STK17A: variants seen among roughly 807,000 people sequenced by gnomAD.
STK17A encodes the protein serine/threonine-protein kinase 17A.
In STK17A, 26 loss-of-function variants were observed where a neutral mutation model predicts 43.7. That is an observed-to-expected ratio of 0.60 (90% confidence interval 0.44 to 0.83). STK17A has a LOEUF of 0.83. Ranked by LOEUF, STK17A falls within the 40% of genes least tolerant of loss-of-function variation. The pLI, the probability that STK17A is intolerant of heterozygous loss-of-function variation, is 0.00. For missense variants in STK17A, 476 were observed against 511.6 expected, an observed-to-expected ratio of 0.93 and a Z score of 0.67; for synonymous variants, 191 against 182.5, an observed-to-expected ratio of 1.05 and a Z score of -0.38.
chr7:43,623,420 TATTA>T lies in STK17A; in HGVS notation c.692-148_692-145del, dbSNP rs1205387681. ...ATTACAAACATCTAGTTAGGCTTTA[TATTA>T]ATTCATATTAATTTATGGTAACCTT... is the stretch of plus-strand genomic sequence containing the variant. On this transcript the variant is annotated intron_variant, in intron 4 of 6. Coordinates refer to ENST00000319357, the MANE Select transcript of STK17A (RefSeq NM_004760.3). 7 of 644,122 alleles carry T rather than the reference TATTA, an allele frequency of 1.1e-5. No homozygotes were observed. In the Admixed American group the frequency reaches 2.2e-4, roughly 21 times the overall value. The allele number at this position is 644,122 out of a possible 1,614,324, so 39.9% of individuals were successfully genotyped here. A position where few individuals can be genotyped will look rare whatever the true frequency, so the allele number is the denominator to read the frequency against.
At chr7:43,587,154 G>GTTTTTTTTTTTTTTTT (rs71011929) in intron 1 of STK17A, among the ~76,000 whole-genome samples, 1 of 112,094 alleles carries the variant, frequency 8.9e-6, no homozygotes, top group African/African-American at 3.2e-5. Context: ...ATTGTTTTTT[G>GTTTTTTTTTTTTTTTT]TTTTTTTTTT....
chr7:43,608,306 C>G lies in STK17A; in HGVS notation c.470C>G (p.Ala157Gly). ...CAGTGTGTTGCAGACAGAGAAGAAG[C>G]CTTTAAAGAAAAAGATGTTCAAAGA... Reference protein sequence around the residue: ...FDQCVADREEAFKEKDVQRLM... With the variant: ...FDQCVADREEGFKEKDVQRLM... Residue 157 changes from alanine to glycine, a missense_variant, in exon 3 of 7, where the codon GCC becomes GGC. Around this residue, in one of 3 missense-constraint regions of STK17A, gnomAD observed 320 missense variants for 326.3 expected, o/e 0.98. Transcript: ENST00000319357. The G allele has an allele frequency of 6.2e-7, 1 of 1,613,852 alleles. No individual in the cohort carries two copies. The highest frequency in any genetic ancestry group is 8.5e-7 in the Non-Finnish European group (1 of 1,179,962).
At chr7:43,588,111 A>G (rs1317633233) in intron 1 of STK17A, among the ~76,000 whole-genome samples, 2 of 151,550 alleles carry the variant, frequency 1.3e-5, no homozygotes, top group Non-Finnish European at 3.0e-5. Flanking sequence ...GAATTTACAC[A>G]TTATGTAGAC....
At chr7:43,592,601 G>A (rs2082487296) in intron 1 of STK17A, among the ~76,000 whole-genome samples, 3 of 150,928 alleles carry the variant, frequency 2.0e-5, no homozygotes, top group Admixed American at 2.0e-4. Context: ...TACAATCCCA[G>A]CATTTTGGGA....
At position 43,625,018 on chromosome 7, in the gene STK17A, A is replaced by C. The variant is rs931179047; in HGVS notation, c.*176A>C. On this transcript the variant is annotated 3_prime_UTR_variant, in exon 7 of 7. Coordinates refer to ENST00000319357, the MANE Select transcript of STK17A (RefSeq NM_004760.3). ...TGGAAGCCAGATTTTAAAAGTTGCC[A>C]ACCAGGAGATTTAACAGGTACAGTT... 2 of 549,268 alleles carry C rather than the reference A, an allele frequency of 3.6e-6. No homozygotes were observed. Among genetic ancestry groups the C allele is most frequent in the African/African-American group, 3.9e-5 (2 of 51,764 alleles). 34.0% of individuals were successfully genotyped at this position (549,268 alleles called of 1,614,324 possible).
chr7:43,610,572 G>A (rs1040923602), intron 3 of STK17A, among the ~76,000 whole-genome samples: 11 of 151,616 alleles, frequency 7.3e-5, no homozygotes, highest in Non-Finnish European at 1.6e-4. Flanking sequence ...GAGGCTGAGG[G>A]GGGAGAATCG....
At chr7:43,601,607 C>T (rs973516291) in intron 2 of STK17A, among the ~76,000 whole-genome samples, 3 of 151,426 alleles carry the variant, frequency 2.0e-5, no homozygotes, top group African/African-American at 7.3e-5. Flanking sequence ...AGTCTTCACC[C>T]GGCTTCTGAC....
chr7:43,615,561 A>G (rs2083270653), intron 3 of STK17A, among the ~76,000 whole-genome samples: 1 of 152,220 alleles, frequency 6.6e-6, no homozygotes, highest in African/African-American at 2.4e-5. Context: ...ATGATGGTAC[A>G]TAGGTGTTTT....
At chr7:43,597,311 A>G (rs558519763) in intron 2 of STK17A, among the ~76,000 whole-genome samples, 69 of 141,264 alleles carry the variant, frequency 4.9e-4, no homozygotes, top group Admixed American at 2.5e-3. Context: ...ATAATTATGG[A>G]AAAAAAATCC....
intron 3 of STK17A, among the ~76,000 whole-genome samples, chr7:43,617,334 C>T (rs1489799370): frequency 1.3e-5 from 2 of 152,212 alleles, no homozygotes; most frequent in African/African-American, 4.8e-5. Flanking sequence ...GTGGGCAAAA[C>T]AGATCCTAGC....
chr7:43,584,064 C>G (rs1210565839), intron 1 of STK17A, among the ~76,000 whole-genome samples: 1 of 152,118 alleles, frequency 6.6e-6, no homozygotes, highest in Non-Finnish European at 1.5e-5. Context: ...CCTTTTCTCG[C>G]TTTTTACTTT....
intron 1 of STK17A, 82 bp from the exon 2 acceptor site, chr7:43,595,819 T>G: frequency 2.3e-6 from 3 of 1,303,986 alleles, no homozygotes; most frequent in Non-Finnish European, 3.2e-6. Flanking sequence ...TATCTACCAA[T>G]GGGTATTTGG....
intron 3 of STK17A, among the ~76,000 whole-genome samples, chr7:43,613,851 T>C (rs1220178675): frequency 1.3e-5 from 2 of 152,156 alleles, no homozygotes; most frequent in African/African-American, 4.8e-5. Flanking sequence ...TCAAAAACTT[T>C]TTTATTAAAA....
intron 3 of STK17A, among the ~76,000 whole-genome samples, chr7:43,614,279 G>A (rs2083147798): frequency 6.6e-6 from 1 of 152,122 alleles, no homozygotes; most frequent in Non-Finnish European, 1.5e-5. Context: ...ACCGTCTGCA[G>A]GTTTTCTGCC....
rs779781476 is a variant in STK17A, at chr7:43,583,217, G to A, written c.-27G>A. 3 of 1,554,468 alleles carry A rather than the reference G, an allele frequency of 1.9e-6. No individual in the cohort carries two copies. The highest frequency in any genetic ancestry group is 2.3e-5 in the South Asian group (2 of 86,044). On this transcript the variant is annotated 5_prime_UTR_variant, in exon 1 of 7. Transcript: ENST00000319357. Reference sequence around the variant, plus strand: ...TCCGGCTGCTCGGAGTGAACAGGCGGCCAGGAAAGAAGCGGGCCTGAACAC... The same window carrying A: ...TCCGGCTGCTCGGAGTGAACAGGCGACCAGGAAAGAAGCGGGCCTGAACAC...
chr7:43,619,849 C>G, intron 4 of STK17A, 126 bp downstream of exon 4: 1 of 1,271,726 alleles, frequency 7.9e-7, no homozygotes. Context: ...CATCAGAGAT[C>G]TATTCCTTTG....
chr7:43,618,257 T>G (rs555389066), intron 3 of STK17A, among the ~76,000 whole-genome samples: 1 of 152,180 alleles, frequency 6.6e-6, no homozygotes, highest in South Asian at 2.1e-4. Context: ...CAGGGCAGGC[T>G]TTACAGAGGA....
rs999460808 is a variant in STK17A at position 43,587,490 on chromosome 7, C to G, written c.206+4041C>G. 7.3e-5 allele frequency among the ~76,000 whole-genome samples: 11 copies of G among 151,184 alleles called. 1 individual carries two copies. Among genetic ancestry groups the G allele is most frequent in the Non-Finnish European group, 1.3e-4 (9 of 67,518 alleles). ...TCAGAGCAGTCAGGGGTAATAGGGACAAGAGAGGATTTTTATCAGAGAATA... is the reference window on the plus strand; with the variant it reads ...TCAGAGCAGTCAGGGGTAATAGGGAGAAGAGAGGATTTTTATCAGAGAATA... On this transcript the variant is annotated intron_variant, in intron 1 of 6. Coordinates refer to ENST00000319357, the MANE Select transcript of STK17A (RefSeq NM_004760.3).
Position 43,623,808 on chromosome 7 carries a change from A to G in STK17A, c.840A>G (p.Leu280=). Residue 280 remains leucine (L), a synonymous_variant, in exon 6 of 7, where the codon TTA becomes TTG. Transcript: ENST00000319357. ...TCTTAAACATCTCACAGATGAATTT[A>G]AGTTATTCTGAGGAAGAATTTGATG... is the stretch of plus-strand genomic sequence containing the variant. The part of the protein sequence containing the change: ...ETFLNISQMN[L]SYSEEEFDVL... 1 of 1,606,350 alleles carries G rather than the reference A, an allele frequency of 6.2e-7. No individual in the cohort carries two copies. Among genetic ancestry groups the G allele is most frequent in the Non-Finnish European group, 8.5e-7 (1 of 1,177,804 alleles).
Sources: gnomAD v4.1 joint callset for allele counts (sites outside exome capture counted in the v4.1 genomes callset) on GRCh38, gnomAD v4.1.1 for gene constraint, gnomAD v4.1.1 regional missense constraint, MANE v1.5 for transcripts, NCBI Gene and HGNC (gene_info 2026-07-23, HGNC 2026-07-21) for gene names.